Variants in FANCL observed in about 807,000 individuals in gnomAD.
The protein encoded by FANCL is E3 ubiquitin-protein ligase FANCL.
In FANCL, 69 loss-of-function variants were observed where a neutral mutation model predicts 59.4. That is an observed-to-expected ratio of 1.16 (90% CI 0.96 to 1.42). FANCL has a LOEUF of 1.42. Ranked by LOEUF, FANCL falls within the 40% of genes most tolerant of loss-of-function variation. FANCL has a pLI of 0.00. For missense variants in FANCL, 519 were observed against 447.2 expected (o/e 1.16, Z -1.45); for synonymous variants, 180 against 147.1 (o/e 1.22, Z -1.62).
At chr2:58,176,071 A>G (rs547437978) in intron 7 of FANCL, among the ~76,000 whole-genome samples, 2,975 of 151,858 alleles carry the variant, frequency 0.02, 107 homozygotes, top group African/African-American at 0.068. Context: ...CCAACTTACA[A>G]GGGATGTGAA....
At chr2:58,161,012 G>GGC in intron 12 of FANCL, among the ~76,000 whole-genome samples, 2 of 152,080 alleles carry the variant, frequency 1.3e-5, no homozygotes, top group South Asian at 4.1e-4. Flanking sequence ...TAAGTAAAGT[G>GGC]GCATTGCCTG....
intron 5 of FANCL, among the ~76,000 whole-genome samples, chr2:58,206,939 C>G (rs992168604): frequency 6.6e-5 from 10 of 152,230 alleles, no homozygotes; most frequent in Admixed American, 5.9e-4. Context: ...CCTTGATTGT[C>G]AATTGCCCTC....
chr2:58,218,983 A>C (rs1388695765), intron 5 of FANCL, among the ~76,000 whole-genome samples: 2 of 150,854 alleles, frequency 1.3e-5, no homozygotes, highest in Admixed American at 6.6e-5. Context: ...AGAAACAACA[A>C]CACACCAATA....
At chr2:58,219,140 T>TAAAAAAAAA (rs70954881) in intron 5 of FANCL, among the ~76,000 whole-genome samples, 3 of 16,604 alleles carry the variant, frequency 1.8e-4, no homozygotes, top group Non-Finnish European at 2.6e-4. Flanking sequence ...AAATACATGC[T>TAAAAAAAAA]AAAAAAAAAA....
intron 7 of FANCL, among the ~76,000 whole-genome samples, chr2:58,188,136 T>C (rs543498571): frequency 5.8e-4 from 88 of 152,302 alleles, no homozygotes; most frequent in African/African-American, 1.5e-3. Context: ...AGATATCTAA[T>C]TGTCTCAGCA....
At chr2:58,207,620 C>T (rs934579948) in intron 5 of FANCL, among the ~76,000 whole-genome samples, 2 of 152,024 alleles carry the variant, frequency 1.3e-5, no homozygotes, top group Admixed American at 6.6e-5. Context: ...TAATAGTGGC[C>T]TAGCCTATGA....
At chr2:58,163,868 C>G (rs1224971289) in intron 8 of FANCL, among the ~76,000 whole-genome samples, 1 of 151,224 alleles carries the variant, frequency 6.6e-6, no homozygotes, top group Non-Finnish European at 1.5e-5. Context: ...AAATAACTAT[C>G]TAAATTATTT....
At position 58,211,408 on chromosome 2, in the gene FANCL, T is replaced by C. The variant is rs149687522; in HGVS notation, c.375-7182A>G. ...ACAGTGCTGGGACCCTGTGCCCACTTTTTCCTCCTACACCTCCAGGGCTGT... is the reference window on the plus strand; with the variant it reads ...ACAGTGCTGGGACCCTGTGCCCACTCTTTCCTCCTACACCTCCAGGGCTGT... On this transcript the variant is annotated intron_variant, in intron 5 of 13. Coordinates refer to ENST00000233741, the MANE Select transcript of FANCL (RefSeq NM_018062.4). Among the ~76,000 whole-genome samples, 21 of 152,166 alleles carry C rather than the reference T, an allele frequency of 1.4e-4. 1 individual carries two copies. In the East Asian group the frequency reaches 4.1e-3, roughly 29 times the overall value.
intron 7 of FANCL, chr2:58,194,159 C>A: frequency 2.1e-6 from 1 of 470,068 alleles, no homozygotes; most frequent in South Asian, 1.6e-5. Context: ...CTACACCACA[C>A]TGAACCTGAG....
In FANCL at chr2:58,212,900, T is replaced by C. The variant is rs1171480298; in HGVS notation, c.375-8674A>G. ...AAGGTCAACTACTAATTCTCAATAT[T>C]ATTTCCATATTTCTTTCTAAGGAAA... is the stretch of plus-strand genomic sequence containing the variant. On this transcript the variant is annotated intron_variant, in intron 5 of 13. Coordinates refer to ENST00000233741, the MANE Select transcript of FANCL (RefSeq NM_018062.4). 1.1e-4 allele frequency among the ~76,000 whole-genome samples: 16 copies of C among 152,348 alleles called. No homozygotes were observed. In the East Asian group the frequency reaches 2.9e-3, roughly 28 times the overall value.
intron 7 of FANCL, among the ~76,000 whole-genome samples, chr2:58,196,271 G>A (rs906456449): frequency 6.6e-6 from 1 of 152,126 alleles, no homozygotes; most frequent in Admixed American, 6.5e-5. Context: ...AGAAAAGGGG[G>A]TCAGGTCTTA....
At chr2:58,209,831 C>T (rs903820526) in intron 5 of FANCL, among the ~76,000 whole-genome samples, 1 of 152,152 alleles carries the variant, frequency 6.6e-6, no homozygotes, top group Admixed American at 6.5e-5. Flanking sequence ...TCTCCATTTC[C>T]CCAATATGTT....
At chr2:58,184,842 C>A (rs556526750) in intron 7 of FANCL, among the ~76,000 whole-genome samples, 1 of 152,046 alleles carries the variant, frequency 6.6e-6, no homozygotes, top group Non-Finnish European at 1.5e-5. Context: ...GAGGAAACAT[C>A]GTGAGAAAGT....
In FANCL at chr2:58,171,402, G is replaced by A. The variant is rs758332810; in HGVS notation, c.541-5528C>T. ...CAGTGTTTCAAGGGAAATTTATAAC[G>A]AAATGCCCACATGAGAAAGCAGAAA... On this transcript the variant is annotated intron_variant, in intron 7 of 13. Transcript: ENST00000233741. Among the ~76,000 whole-genome samples the A allele has an allele frequency of 1.2e-4, 18 of 152,194 alleles. 1 individual carries two copies. Among genetic ancestry groups the A allele is most frequent in the South Asian group, 4.1e-4 (2 of 4,822 alleles).
chr2:58,211,947 C>G (rs1200977024), intron 5 of FANCL, among the ~76,000 whole-genome samples: 1 of 152,172 alleles, frequency 6.6e-6, no homozygotes, highest in African/African-American at 2.4e-5. Flanking sequence ...CCACATTTTC[C>G]TATCTTCTGA....
At position 58,162,846 on chromosome 2, in the gene FANCL, A is replaced by G; in HGVS notation, c.903+20T>C. On this transcript the variant is annotated intron_variant, in intron 11 of 13. Transcript: ENST00000233741. ...ATTATGCAATACTGTCTGGAATATC[A>G]AAACACTGATAAAACTTACAGATTT... is the stretch of plus-strand genomic sequence containing the variant. 6.3e-7 allele frequency: 1 copy of G among 1,599,372 alleles called. No homozygotes were observed. Among genetic ancestry groups the G allele is most frequent in the Non-Finnish European group, 8.6e-7 (1 of 1,167,808 alleles).
At chr2:58,234,573 GAA>G (rs956464021) in intron 1 of FANCL, among the ~76,000 whole-genome samples, 1 of 150,644 alleles carries the variant, frequency 6.6e-6, no homozygotes, top group African/African-American at 2.4e-5. Flanking sequence ...TAAAATAGTA[GAA>G]AAAAAAATTT....
intron 6 of FANCL, among the ~76,000 whole-genome samples, chr2:58,201,447 T>C (rs1012373313): frequency 6.6e-6 from 1 of 151,986 alleles, no homozygotes; most frequent in Non-Finnish European, 1.5e-5. Context: ...ATAATATTAA[T>C]ATATTCTAAA....
intron 1 of FANCL, among the ~76,000 whole-genome samples, chr2:58,239,560 A>G (rs1057024465): frequency 2.6e-5 from 4 of 152,228 alleles, no homozygotes; most frequent in Non-Finnish European, 4.4e-5. Flanking sequence ...GGTATAAAAC[A>G]TACAACTGTA....
Sources: gnomAD v4.1 joint callset for allele counts (sites outside exome capture counted in the v4.1 genomes callset) on GRCh38, gnomAD v4.1.1 for gene constraint, MANE v1.5 for transcripts, NCBI Gene and HGNC (gene_info 2026-07-23, HGNC 2026-07-21) for gene names.